Variants in TMEM117 observed in about 807,000 individuals in gnomAD.
TMEM117 encodes the protein transmembrane protein 117.
Under a neutral mutation model 52.4 loss-of-function variants are expected in TMEM117, and 27 were observed. The ratio of observed to expected loss-of-function variants is 0.51; its 90% confidence interval spans 0.38 to 0.71. The LOEUF (loss-of-function observed/expected upper bound fraction) is 0.71, where lower values mean the gene tolerates loss of function less well. Among genes scored for constraint, TMEM117 ranks in the 30% least tolerant of loss-of-function variants. TMEM117 has a pLI of 0.00. For missense variants in TMEM117, 556 were observed against 630.5 expected, an observed-to-expected ratio of 0.88 and a Z score of 1.26; for synonymous variants, 215 against 206.3, an observed-to-expected ratio of 1.04 and a Z score of -0.36.
At chr12:44,009,079 G>A in intron 3 of TMEM117, 1 of 364,366 alleles carries the variant, frequency 2.7e-6, no homozygotes, top group East Asian at 9.0e-5. Context: ...CCTGTGTGGT[G>A]TTTCCCATGA....
At chr12:44,072,998 G>A (rs547263131) in intron 3 of TMEM117, among the ~76,000 whole-genome samples, 1 of 151,924 alleles carries the variant, frequency 6.6e-6, no homozygotes, top group Non-Finnish European at 1.5e-5. Context: ...GCTGAGGCAG[G>A]AGAATCGTTT....
chr12:44,351,626 A>G (rs1951563368), intron 6 of TMEM117, among the ~76,000 whole-genome samples: 1 of 151,950 alleles, frequency 6.6e-6, no homozygotes, highest in Non-Finnish European at 1.5e-5. Context: ...TCTTTTCCCC[A>G]GTGTATGTTC....
At chr12:43,868,513 CTGCACTCCAGCCTGGCGACAGAG>C in intron 2 of TMEM117, among the ~76,000 whole-genome samples, 1 of 151,712 alleles carries the variant, frequency 6.6e-6, no homozygotes, top group East Asian at 1.9e-4. Flanking sequence ...GATGGTGCCA[CTGCACTCCAGCCTGGCGACAGAG>C]TGAGACACCG....
intron 2 of TMEM117, among the ~76,000 whole-genome samples, chr12:43,917,225 C>T (rs1230119098): frequency 1.4e-5 from 1 of 73,084 alleles, no homozygotes; most frequent in East Asian, 4.2e-4. Context: ...AGAGCCTCAT[C>T]TCTACAAAAA....
downstream of TMEM117, among the ~76,000 whole-genome samples, chr12:44,391,586 A>G (rs1952162287): frequency 6.6e-6 from 1 of 152,162 alleles, no homozygotes; most frequent in Non-Finnish European, 1.5e-5. Flanking sequence ...GAGTCAATAC[A>G]TGGTAGCTCA....
intron 4 of TMEM117, among the ~76,000 whole-genome samples, chr12:44,204,459 G>A (rs974634226): frequency 1.2e-4 from 19 of 152,088 alleles, no homozygotes; most frequent in African/African-American, 3.4e-4. Flanking sequence ...TTCATGAATA[G>A]GAAGAATCAA....
intron 3 of TMEM117, among the ~76,000 whole-genome samples, chr12:44,107,986 A>G (rs1045249158): frequency 2.6e-5 from 4 of 152,068 alleles, no homozygotes; most frequent in African/African-American, 7.2e-5. Context: ...AACCCTTTGT[A>G]TGTTTGTTTA....
chr12:44,010,434 C>T (rs1052177202), intron 3 of TMEM117, among the ~76,000 whole-genome samples: 6 of 152,150 alleles, frequency 3.9e-5, no homozygotes, highest in Admixed American at 1.3e-4. Flanking sequence ...CCAAGATTTT[C>T]GGAGCCTTGG....
intron 4 of TMEM117, among the ~76,000 whole-genome samples, chr12:44,166,634 T>A (rs1948971505): frequency 6.6e-6 from 1 of 152,196 alleles, no homozygotes; most frequent in Admixed American, 6.5e-5. Context: ...AAAATAAACA[T>A]GTTTTACTAC....
At chr12:44,210,865 T>C (rs1592608925) in intron 4 of TMEM117, among the ~76,000 whole-genome samples, 1 of 152,170 alleles carries the variant, frequency 6.6e-6, no homozygotes, top group East Asian at 1.9e-4. Context: ...CACATATAGC[T>C]GGAAGAAGTA....
chr12:44,347,234 A>ATT (rs1464252567), intron 6 of TMEM117, among the ~76,000 whole-genome samples: 1 of 152,090 alleles, frequency 6.6e-6, no homozygotes, highest in African/African-American at 2.4e-5. Context: ...CAGGTAACAG[A>ATT]TTCTGGAAGG....
intron 6 of TMEM117, among the ~76,000 whole-genome samples, chr12:44,351,658 A>T (rs1951563889): frequency 6.6e-6 from 1 of 151,928 alleles, no homozygotes; most frequent in Admixed American, 6.6e-5. Context: ...TCTTTTATTC[A>T]TTCAAGGCCT....
chr12:43,943,911 C>T (rs1945086006), intron 2 of TMEM117, among the ~76,000 whole-genome samples: 1 of 152,186 alleles, frequency 6.6e-6, no homozygotes, highest in Admixed American at 6.5e-5. Flanking sequence ...GTAAGTAGGG[C>T]TGTAATTCAT....
intron 3 of TMEM117, among the ~76,000 whole-genome samples, chr12:44,024,913 CAGAG>C (rs1053883569): frequency 1.4e-5 from 2 of 140,076 alleles, no homozygotes; most frequent in Admixed American, 6.9e-5. Context: ...CATATACATA[CAGAG>C]AGAGAGAGAG....
At chr12:44,023,397 C>T (rs1946483656) in intron 3 of TMEM117, among the ~76,000 whole-genome samples, 2 of 152,134 alleles carry the variant, frequency 1.3e-5, no homozygotes, top group Admixed American at 1.3e-4. Context: ...GAGGAATCCC[C>T]ACACTGACTT....
intron 2 of TMEM117, among the ~76,000 whole-genome samples, chr12:43,889,372 C>T (rs1401148849): frequency 3.3e-5 from 5 of 152,184 alleles, no homozygotes; most frequent in African/African-American, 1.2e-4. Context: ...TGTGAGCCAC[C>T]GAGCCTGGCC....
chr12:43,897,312 CTTTTT>C, intron 2 of TMEM117, among the ~76,000 whole-genome samples: 1 of 101,994 alleles, frequency 9.8e-6, no homozygotes, highest in East Asian at 2.7e-4. Flanking sequence ...TGTAACCATT[CTTTTT>C]TTTTTTTTTT....
rs1163900435 is a variant in TMEM117, at chr12:44,181,923, G to C, written c.511-29367G>C. On this transcript the variant is annotated intron_variant, in intron 4 of 7. Coordinates refer to ENST00000266534, the MANE Select transcript of TMEM117 (RefSeq NM_032256.3). ...TTGGTAGCTTGATGGGGATGGCCTTGAATCTGTAAATTACCTTGGGCAGTA... is the reference window on the plus strand; with the variant it reads ...TTGGTAGCTTGATGGGGATGGCCTTCAATCTGTAAATTACCTTGGGCAGTA... Among the ~76,000 whole-genome samples, 3 of 152,150 alleles carry C rather than the reference G, an allele frequency of 2.0e-5. No individual in the cohort carries two copies. In the South Asian group the frequency reaches 6.2e-4, roughly 32 times the overall value.
rs76966873 is a variant in TMEM117 at position 43,844,329 on chromosome 12, G to C, written c.-28-295G>C. On this transcript the variant is annotated intron_variant, in intron 1 of 7. Coordinates refer to ENST00000266534, the MANE Select transcript of TMEM117 (RefSeq NM_032256.3). The stretch of plus-strand genomic sequence containing the variant: ...TGGGAGGGCCTCTACATGTCATCTT[G>C]GTCACCATCCCAATTTTGGACAGTG... Among the ~76,000 whole-genome samples, 573 of 152,238 alleles carry C rather than the reference G, an allele frequency of 3.8e-3. 3 individuals are homozygous for C. Among genetic ancestry groups the C allele is most frequent in the African/African-American group, 0.014 (561 of 41,532 alleles).
Sources: gnomAD v4.1 joint callset for allele counts (sites outside exome capture counted in the v4.1 genomes callset) on GRCh38, gnomAD v4.1.1 for gene constraint, MANE v1.5 for transcripts, NCBI Gene and HGNC (gene_info 2026-07-23, HGNC 2026-07-21) for gene names.